GALNTL6: variants seen among roughly 807,000 people sequenced by gnomAD.
The protein encoded by GALNTL6 is polypeptide N-acetylgalactosaminyltransferase like 6, also known as polypeptide N-acetylgalactosaminyltransferase-like 6.
In GALNTL6, 46 loss-of-function variants were observed where a neutral mutation model predicts 73.7. The ratio of observed to expected loss-of-function variants is 0.62; its 90% confidence interval spans 0.49 to 0.80. GALNTL6 has a LOEUF of 0.80. GALNTL6 is among the 30% of genes least tolerant of loss of function. The pLI is 0.00. For missense variants in GALNTL6, 604 were observed against 755.0 expected (o/e 0.80, Z 2.34); for synonymous variants, 259 against 263.7 (o/e 0.98, Z 0.17).
chr4:172,150,734 G>A (rs1440601991), intron 2 of GALNTL6, among the ~76,000 whole-genome samples: 1 of 152,150 alleles, frequency 6.6e-6, no homozygotes, highest in Non-Finnish European at 1.5e-5. Flanking sequence ...AGGATCAGTG[G>A]AGGTATACGA....
At chr4:172,653,881 T>C (rs1211432426) in intron 5 of GALNTL6, among the ~76,000 whole-genome samples, 1 of 152,222 alleles carries the variant, frequency 6.6e-6, no homozygotes, top group East Asian at 1.9e-4. Context: ...CTACAAAACT[T>C]GGCACCTTGT....
rs1216981872 is a variant in GALNTL6 at position 172,279,362 on chromosome 4, TCAA to T, written c.248-32242_248-32240del. 1.1e-4 allele frequency among the ~76,000 whole-genome samples: 17 copies of T among 152,176 alleles called. No homozygotes were observed. In the East Asian group the frequency reaches 2.7e-3, roughly 24 times the overall value. ...AGAACATATAAAGATTTGCTACAAC[TCAA>T]CAACAACAAAATAACCTAGTTAAAA... On this transcript the variant is annotated intron_variant, in intron 3 of 12. Coordinates refer to ENST00000506823, the MANE Select transcript of GALNTL6 (RefSeq NM_001034845.3).
At chr4:172,732,286 T>A (rs1311244494) in intron 5 of GALNTL6, among the ~76,000 whole-genome samples, 1 of 152,200 alleles carries the variant, frequency 6.6e-6, no homozygotes, top group Non-Finnish European at 1.5e-5. Flanking sequence ...CATTTTATAG[T>A]GATCTTCCTT....
intron 3 of GALNTL6, among the ~76,000 whole-genome samples, chr4:172,276,575 C>T (rs1738839624): frequency 6.6e-6 from 1 of 152,106 alleles, no homozygotes; most frequent in African/African-American, 2.4e-5. Flanking sequence ...GGTGTAATGC[C>T]ACCAGCACCA....
intron 2 of GALNTL6, among the ~76,000 whole-genome samples, chr4:172,197,525 A>G (rs1209612442): frequency 6.6e-6 from 1 of 152,210 alleles, no homozygotes; most frequent in African/African-American, 2.4e-5. Context: ...GCCTCATGCT[A>G]CCTAACTTCA....
At chr4:172,287,363 A>C (rs1375421529) in intron 3 of GALNTL6, among the ~76,000 whole-genome samples, 1 of 152,156 alleles carries the variant, frequency 6.6e-6, no homozygotes, top group Non-Finnish European at 1.5e-5. Flanking sequence ...CAGTGCATGG[A>C]CTTCAAAACT....
intron 10 of GALNTL6, among the ~76,000 whole-genome samples, chr4:172,981,633 A>C (rs1001065299): frequency 7.2e-5 from 11 of 151,954 alleles, no homozygotes; most frequent in Admixed American, 3.9e-4. Context: ...TGAAGTGTGA[A>C]CCTTTCGACT....
chr4:172,171,726 T>C (rs979070379), intron 2 of GALNTL6, among the ~76,000 whole-genome samples: 1 of 141,448 alleles, frequency 7.1e-6, no homozygotes, highest in East Asian at 2.0e-4. Context: ...TGGTCCCAGC[T>C]ATGTGGGAGG....
At chr4:172,068,653 A>G (rs574639939) in intron 2 of GALNTL6, among the ~76,000 whole-genome samples, 1 of 110,066 alleles carries the variant, frequency 9.1e-6, no homozygotes, top group East Asian at 2.1e-4. Context: ...TCTTTTTTAC[A>G]CATTAATAGA....
At chr4:172,848,867 T>G (rs531010059) in intron 7 of GALNTL6, among the ~76,000 whole-genome samples, 1 of 152,200 alleles carries the variant, frequency 6.6e-6, no homozygotes, top group African/African-American at 2.4e-5. Context: ...CAGAAGCTAC[T>G]GGAAGACTGA....
chr4:172,066,523 G>A (rs1027348346), intron 2 of GALNTL6, among the ~76,000 whole-genome samples: 20 of 142,178 alleles, frequency 1.4e-4, no homozygotes, highest in Middle Eastern at 3.8e-3. Flanking sequence ...TTGTAATTAT[G>A]TCTGACCTGG....
chr4:171,976,970 C>G (rs1324131128), intron 2 of GALNTL6, among the ~76,000 whole-genome samples: 1 of 152,144 alleles, frequency 6.6e-6, no homozygotes, highest in Non-Finnish European at 1.5e-5. Context: ...CCAGTTTTCT[C>G]TCCTTTCTTC....
At chr4:171,988,936 C>T (rs1318689419) in intron 2 of GALNTL6, among the ~76,000 whole-genome samples, 1 of 151,886 alleles carries the variant, frequency 6.6e-6, no homozygotes, top group East Asian at 1.9e-4. Flanking sequence ...GAAAAGGTGG[C>T]AATGAGGTGT....
intron 5 of GALNTL6, among the ~76,000 whole-genome samples, chr4:172,547,023 AG>A (rs1434328090): frequency 1.3e-5 from 2 of 151,478 alleles, no homozygotes; most frequent in Non-Finnish European, 2.9e-5. Flanking sequence ...AGCTCCTGGC[AG>A]CCACCATTCT....
chr4:172,444,162 T>C (rs1731937371), intron 5 of GALNTL6, among the ~76,000 whole-genome samples: 1 of 152,192 alleles, frequency 6.6e-6, no homozygotes, highest in Admixed American at 6.6e-5. Flanking sequence ...TGAATTGGAG[T>C]GCTTGGGCGT....
intron 2 of GALNTL6, among the ~76,000 whole-genome samples, chr4:171,826,670 TA>T (rs1238562914): frequency 9.2e-5 from 14 of 152,132 alleles, no homozygotes; most frequent in African/African-American, 3.4e-4. Context: ...TTAGTCGTAT[TA>T]CTTGTTAGAA....
intron 5 of GALNTL6, among the ~76,000 whole-genome samples, chr4:172,602,779 T>C (rs1738114195): frequency 6.6e-6 from 1 of 152,182 alleles, no homozygotes; most frequent in African/African-American, 2.4e-5. Flanking sequence ...TGCTTATACA[T>C]TAATGTTTAT....
chr4:172,197,183 T>A (rs1006616232), intron 2 of GALNTL6, among the ~76,000 whole-genome samples: 1 of 152,142 alleles, frequency 6.6e-6, no homozygotes. Context: ...TGAACTTTCA[T>A]GTACAATTGC....
intron 2 of GALNTL6, among the ~76,000 whole-genome samples, chr4:171,880,225 G>A (rs1303401233): frequency 6.6e-6 from 1 of 152,132 alleles, no homozygotes; most frequent in Non-Finnish European, 1.5e-5. Context: ...CTGATTTGTA[G>A]CCTTGCTGCT....
Sources: gnomAD v4.1 joint callset for allele counts (sites outside exome capture counted in the v4.1 genomes callset) on GRCh38, gnomAD v4.1.1 for gene constraint, MANE v1.5 for transcripts, NCBI Gene and HGNC (gene_info 2026-07-23, HGNC 2026-07-21) for gene names.